Variants in EXTL3 observed in about 807,000 individuals in gnomAD.
The protein encoded by EXTL3 is exostosin-like 3.
In EXTL3, 27 loss-of-function variants were observed where a neutral mutation model predicts 69.3. The observed-to-expected ratio is 0.39, with a 90% CI of 0.29 to 0.54. EXTL3 has a LOEUF of 0.54. EXTL3 is among the 20% of genes least tolerant of loss of function. The pLI, the probability that EXTL3 is intolerant of heterozygous loss-of-function variation, is 0.69. For missense variants in EXTL3, 1,003 were observed against 1,231.8 expected, an observed-to-expected ratio of 0.81 and a Z score of 2.78; for synonymous variants, 511 against 499.4, an observed-to-expected ratio of 1.02 and a Z score of -0.31.
intron 1 of EXTL3, among the ~76,000 whole-genome samples, chr8:28,671,155 T>C (rs1328248936): frequency 2.0e-5 from 3 of 151,932 alleles, no homozygotes; most frequent in Non-Finnish European, 4.4e-5. Flanking sequence ...TAATTTTTTG[T>C]ATTTTTAGTA....
intron 1 of EXTL3, among the ~76,000 whole-genome samples, chr8:28,642,673 T>C (rs1330860910): frequency 6.6e-6 from 1 of 152,066 alleles, no homozygotes; most frequent in Non-Finnish European, 1.5e-5. Context: ...CAATATATTA[T>C]GAAACTCCAA....
intron 1 of EXTL3, among the ~76,000 whole-genome samples, chr8:28,659,965 C>A (rs1402220991): frequency 6.6e-6 from 1 of 152,138 alleles, no homozygotes; most frequent in Non-Finnish European, 1.5e-5. Context: ...TGCATGCCCC[C>A]TCGCATGTTG....
rs1161524670 is a variant in EXTL3, at chr8:28,750,111, T to TC, written c.2551-545dup. On this transcript the variant is annotated intron_variant, in intron 6 of 6. Transcript: ENST00000220562. This position sits in a 1 kb window ranked among gnomAD's most constrained non-coding sequence, Gnocchi z 5.2. Reference sequence around the variant, plus strand: ...CACATTGTAATGAAGCTGTCCCTCTTCATACTTTTTTAGTTAGACATTTTC... The same window carrying TC: ...CACATTGTAATGAAGCTGTCCCTCTTCCATACTTTTTTAGTTAGACATTTTC... 2.0e-5 allele frequency among the ~76,000 whole-genome samples: 3 copies of TC among 152,252 alleles called. No homozygotes were observed. Among genetic ancestry groups the TC allele is most frequent in the Non-Finnish European group, 4.4e-5 (3 of 68,048 alleles).
intron 5 of EXTL3, among the ~76,000 whole-genome samples, chr8:28,739,458 C>T (rs1801730147): frequency 1.3e-5 from 2 of 152,106 alleles, no homozygotes; most frequent in South Asian, 2.1e-4. Flanking sequence ...TCCTGGGTAG[C>T]TGGGACTACA....
Position 28,750,601 on chromosome 8 carries a change from A to T in EXTL3, c.2551-56A>T. 7.0e-7 allele frequency: 1 copy of T among 1,422,880 alleles called. No individual in the cohort carries two copies. The highest frequency in any genetic ancestry group is 1.4e-5 in the African/African-American group (1 of 71,184). The allele number at this position is 1,422,880 out of a possible 1,614,324, so 88.1% of individuals were successfully genotyped here. ...GGAGTGTGGGATCGGCTCAGCTGCA[A>T]GGGTTCTGTCAGTATTAGCTGGGAT... On this transcript the variant is annotated intron_variant, in intron 6 of 6. Transcript: ENST00000220562. The surrounding 1 kb of genome is among the most constrained non-coding windows in gnomAD (Gnocchi z 5.2).
rs1201855400 is a variant in EXTL3 at position 28,670,952 on chromosome 8, G to A, written c.-52-42505G>A. On this transcript the variant is annotated intron_variant, in intron 1 of 6. Transcript: ENST00000523149. ...AGAGCAAATCTTTACTCCCTTTCCT[G>A]ATAGCACCATAGCTTCTGTTTTTTT... Among the ~76,000 whole-genome samples the A allele has an allele frequency of 2.0e-5, 3 of 149,848 alleles. No homozygotes were observed. In the Admixed American group the frequency reaches 2.0e-4, roughly 10 times the overall value.
In EXTL3 at chr8:28,750,252, C is replaced by G. The variant is rs112063608; in HGVS notation, c.2551-405C>G. Among the ~76,000 whole-genome samples the G allele has an allele frequency of 8.4e-3, 1,273 of 152,170 alleles. 22 individuals carry two copies. Among genetic ancestry groups the G allele is most frequent in the African/African-American group, 0.029 (1,205 of 41,502 alleles). On this transcript the variant is annotated intron_variant, in intron 6 of 6. Coordinates refer to ENST00000220562, the MANE Select transcript of EXTL3 (RefSeq NM_001440.4). This position sits in a 1 kb window ranked among gnomAD's most constrained non-coding sequence, Gnocchi z 5.2. Reference sequence around the variant, plus strand: ...GAATGATAGCCCCTCTTTGACTAGCCCCTCTTTGGGTAGTCTTCAATACCC... The same window carrying G: ...GAATGATAGCCCCTCTTTGACTAGCGCCTCTTTGGGTAGTCTTCAATACCC...
intron 3 of EXTL3, among the ~76,000 whole-genome samples, chr8:28,723,665 A>G (rs1358774586): frequency 1.4e-5 from 2 of 141,850 alleles, no homozygotes; most frequent in Non-Finnish European, 3.0e-5. Context: ...TTTTTGAGAC[A>G]GAGTCTCACG....
chr8:28,636,830 G>A (rs888530926), intron 1 of EXTL3, among the ~76,000 whole-genome samples: 8 of 152,188 alleles, frequency 5.3e-5, no homozygotes, highest in Middle Eastern at 3.2e-3. Flanking sequence ...GGCCAACATG[G>A]TGAAACCCTG....
At chr8:28,665,418 T>G (rs1345269572) in intron 1 of EXTL3, among the ~76,000 whole-genome samples, 4 of 134,890 alleles carry the variant, frequency 3.0e-5, no homozygotes, top group Non-Finnish European at 6.2e-5. Context: ...CTTGTTTACT[T>G]TTTTTTTTTT....
At chr8:28,713,057 C>T (rs1466691073) in intron 1 of EXTL3, among the ~76,000 whole-genome samples, 4 of 152,172 alleles carry the variant, frequency 2.6e-5, no homozygotes, top group Non-Finnish European at 4.4e-5. Context: ...AAACATTCCC[C>T]GCCACCCTCA....
At chr8:28,755,607 G>A (rs1451187360), downstream of EXTL3, 3 of 152,246 alleles carry the variant, frequency 2.0e-5, no homozygotes, top group Non-Finnish European at 2.9e-5. Flanking sequence ...AAATTAGCCA[G>A]GTGTGGTGGC....
chr8:28,698,253 TA>T (rs1800716280), upstream of EXTL3: 1 of 152,196 alleles, frequency 6.6e-6, no homozygotes. Flanking sequence ...AAGATAAAGG[TA>T]ACTATTTTAA....
upstream of EXTL3, among the ~76,000 whole-genome samples, chr8:28,621,184 G>C (rs970571025): frequency 6.6e-6 from 1 of 152,240 alleles, no homozygotes; most frequent in South Asian, 2.1e-4. Context: ...CAGTACCTCA[G>C]AATATGACCT....
intron 5 of EXTL3, 62 bp from the exon 6 acceptor site, chr8:28,743,024 G>C: frequency 6.2e-7 from 1 of 1,605,488 alleles, no homozygotes; most frequent in South Asian, 1.1e-5. Flanking sequence ...GCATATTTTG[G>C]CTGAAAGCCA....
chr8:28,640,137 ACT>A (rs944163331), intron 1 of EXTL3, among the ~76,000 whole-genome samples: 6 of 151,860 alleles, frequency 4.0e-5, no homozygotes, highest in African/African-American at 1.2e-4. Context: ...CCCTCTGCAG[ACT>A]CTAAGGTTCA....
intron 2 of EXTL3, among the ~76,000 whole-genome samples, chr8:28,615,192 A>G (rs1806317149): frequency 6.6e-6 from 1 of 152,154 alleles, no homozygotes; most frequent in African/African-American, 2.4e-5. Flanking sequence ...TCAGTGCTCC[A>G]TGTGTGCTTG....
chr8:28,755,839 G>A (rs1317177095), downstream of EXTL3, among the ~76,000 whole-genome samples: 1 of 152,160 alleles, frequency 6.6e-6, no homozygotes, highest in African/African-American at 2.4e-5. Context: ...TTAAACGACT[G>A]GTCCCACATT....
At position 28,717,485 on chromosome 8, in the gene EXTL3, C is replaced by T. The variant is rs1216636028; in HGVS notation, c.1426C>T (p.Leu476=). The T allele has an allele frequency of 1.9e-6, 3 of 1,614,114 alleles. No homozygotes were observed. The highest frequency in any genetic ancestry group is 2.5e-6 in the Non-Finnish European group (3 of 1,180,038). Residue 476 remains leucine, a synonymous_variant, in exon 3 of 7, where the codon CTG becomes TTG. Coordinates refer to ENST00000220562, the MANE Select transcript of EXTL3 (RefSeq NM_001440.4). This position sits in a 1 kb window ranked among gnomAD's most constrained non-coding sequence, Gnocchi z 8.3. Reference sequence around the variant, plus strand: ...GGTCCAGCTTCCCTACCAGGACATGCTGCAGTGGAACGAGGCGGCCCTGGT... The same window carrying T: ...GGTCCAGCTTCCCTACCAGGACATGTTGCAGTGGAACGAGGCGGCCCTGGT... ...EQVQLPYQDM[L]QWNEAALVVP...
Sources: gnomAD v4.1 joint callset for allele counts (sites outside exome capture counted in the v4.1 genomes callset) on GRCh38, gnomAD v4.1.1 for gene constraint, Gnocchi (gnomAD v3.1) non-coding constraint, MANE v1.5 for transcripts, NCBI Gene and HGNC (gene_info 2026-07-23, HGNC 2026-07-21) for gene names.